ST18: variants seen among roughly 807,000 people sequenced by gnomAD.
The protein encoded by ST18 is suppression of tumorigenicity 18 protein.
ST18 carries 50 observed loss-of-function variants against 110.0 expected under a neutral mutation model. The observed-to-expected ratio is 0.45, with a 90% CI of 0.36 to 0.58. The LOEUF (loss-of-function observed/expected upper bound fraction) is 0.58. Ranked by LOEUF, ST18 falls within the 20% of genes least tolerant of loss-of-function variation. The pLI, the probability that ST18 is intolerant of heterozygous loss-of-function variation, is 0.00. For synonymous variants in ST18, 461 were observed against 452.4 expected, an observed-to-expected ratio of 1.02 and a Z score of -0.24; for missense variants, 1,306 against 1,280.1, an observed-to-expected ratio of 1.02 and a Z score of -0.31.
At chr8:52,218,946 G>A (rs1003895110) in intron 5 of ST18, among the ~76,000 whole-genome samples, 4 of 151,932 alleles carry the variant, frequency 2.6e-5, no homozygotes, top group Admixed American at 2.6e-4. Flanking sequence ...TATCTACAGT[G>A]GATGCTTCCT....
intron 19 of ST18, among the ~76,000 whole-genome samples, chr8:52,135,568 C>CA (rs71252929): frequency 0.037 from 2,073 of 55,526 alleles, 48 homozygotes; most frequent in African/African-American, 0.046. Context: ...AACTCCATCT[C>CA]AAAAAAAAAA....
chr8:52,113,569 T>C (rs957140879), intron 25 of ST18, among the ~76,000 whole-genome samples: 1 of 152,166 alleles, frequency 6.6e-6, no homozygotes, highest in African/African-American at 2.4e-5. Flanking sequence ...TGGGGTTGAT[T>C]TGGAGCACAT....
chr8:52,277,604 C>T (rs1328746174), intron 2 of ST18, among the ~76,000 whole-genome samples: 1 of 152,104 alleles, frequency 6.6e-6, no homozygotes, highest in Admixed American at 6.6e-5. Flanking sequence ...AATAAATATG[C>T]TCTTAAAAAC....
intron 2 of ST18, among the ~76,000 whole-genome samples, chr8:52,389,163 C>T (rs1838302820): frequency 6.6e-6 from 1 of 152,086 alleles, no homozygotes; most frequent in Non-Finnish European, 1.5e-5. Context: ...TCCCAGGCCT[C>T]AGCACAGAGC....
chr8:52,251,721 T>C (rs2094318587), intron 2 of ST18, among the ~76,000 whole-genome samples: 1 of 152,104 alleles, frequency 6.6e-6, no homozygotes, highest in Non-Finnish European at 1.5e-5. Context: ...TTTTTCCAAA[T>C]GAATTAATGA....
At chr8:52,390,540 T>A (rs1298937303) in intron 2 of ST18, among the ~76,000 whole-genome samples, 1 of 152,226 alleles carries the variant, frequency 6.6e-6, no homozygotes, top group Non-Finnish European at 1.5e-5. Flanking sequence ...TGTAGAAATA[T>A]GTCCGATTCC....
At chr8:52,220,517 C>T (rs567476494) in intron 5 of ST18, 9 of 152,084 alleles carry the variant, frequency 5.9e-5, no homozygotes, top group South Asian at 4.1e-4. Context: ...ATATGCAAAA[C>T]GGTTTGTAGG....
rs141358120 is a variant in ST18, at chr8:52,231,185, A to G, written c.-464-1108T>C. On this transcript the variant is annotated intron_variant, in intron 2 of 25. Transcript: ENST00000689386. ...CATATATATACAATTTATTACCCAG[A>G]TAATAGCTCTTTTATCTATATAATG... is the stretch of plus-strand genomic sequence containing the variant. 1.8e-3 allele frequency among the ~76,000 whole-genome samples: 272 copies of G among 152,354 alleles called. 1 individual carries two copies. Among genetic ancestry groups the G allele is most frequent in the African/African-American group, 6.3e-3 (260 of 41,578 alleles).
intron 8 of ST18, among the ~76,000 whole-genome samples, chr8:52,202,313 T>C (rs2078263103): frequency 6.6e-6 from 1 of 152,052 alleles, no homozygotes; most frequent in South Asian, 2.1e-4. Flanking sequence ...AAAATATTTC[T>C]CTAGTAACAT....
At chr8:52,327,007 G>A (rs1051483877) in intron 2 of ST18, among the ~76,000 whole-genome samples, 1 of 152,210 alleles carries the variant, frequency 6.6e-6, no homozygotes, top group African/African-American at 2.4e-5. Flanking sequence ...TGCCACCGGA[G>A]AGGGAGCCCC....
chr8:52,144,761 C>A (rs1320751310), intron 16 of ST18, among the ~76,000 whole-genome samples: 1 of 152,052 alleles, frequency 6.6e-6, no homozygotes, highest in African/African-American at 2.4e-5. Context: ...CACTAGGATG[C>A]AAAGAGAAGT....
chr8:52,250,691 T>A (rs2094245557), intron 2 of ST18, among the ~76,000 whole-genome samples: 1 of 151,478 alleles, frequency 6.6e-6, no homozygotes, highest in Admixed American at 6.6e-5. Context: ...AAATGTACAC[T>A]GGCTACTGAA....
chr8:52,180,095 TA>T lies in ST18; in HGVS notation c.277+26del, dbSNP rs2068747388. 1.9e-6 allele frequency: 3 copies of T among 1,610,028 alleles called. No individual in the cohort carries two copies. The African/African-American group carries it at 4.0e-5, about 22-fold the overall frequency. On this transcript the variant is annotated intron_variant, in intron 9 of 25. Coordinates refer to ENST00000689386, the MANE Select transcript of ST18 (RefSeq NM_001352837.2). ...AGAGTCCTTGGAGCCAGGGAGCAGG[TA>T]AAGTTTGGGCTCTCCTCCTTGCTAC...
chr8:52,349,272 G>C (rs1001805349), intron 2 of ST18, among the ~76,000 whole-genome samples: 3 of 152,142 alleles, frequency 2.0e-5, no homozygotes, highest in African/African-American at 7.2e-5. Flanking sequence ...GCTTTGTGGG[G>C]TAAAGCTGCC....
chr8:52,163,332 C>A (rs1434717754), intron 13 of ST18, among the ~76,000 whole-genome samples: 1 of 152,118 alleles, frequency 6.6e-6, no homozygotes, highest in Non-Finnish European at 1.5e-5. Context: ...ATCTGATCAT[C>A]TAGCTTAATC....
chr8:52,175,641 CTGTT>C (rs2066629200), intron 9 of ST18, among the ~76,000 whole-genome samples: 1 of 149,400 alleles, frequency 6.7e-6, no homozygotes, highest in African/African-American at 2.6e-5. Context: ...GGACAACAAA[CTGTT>C]TGTTCCTGGC....
chr8:52,170,743 T>A (rs1038556334), intron 10 of ST18, among the ~76,000 whole-genome samples: 1 of 152,190 alleles, frequency 6.6e-6, no homozygotes, highest in Non-Finnish European at 1.5e-5. Context: ...CATGGCATTA[T>A]CTTGCTCCTC....
At chr8:52,300,117 T>A (rs1025032480) in intron 2 of ST18, among the ~76,000 whole-genome samples, 2 of 152,220 alleles carry the variant, frequency 1.3e-5, no homozygotes, top group Non-Finnish European at 2.9e-5. Flanking sequence ...CAGTGGTATA[T>A]TTCAAAACAC....
At chr8:52,333,405 C>T (rs549959057) in intron 2 of ST18, among the ~76,000 whole-genome samples, 16 of 151,960 alleles carry the variant, frequency 1.1e-4, no homozygotes, top group African/African-American at 3.9e-4. Context: ...TATATTTAGC[C>T]AATGAGTCAG....
Sources: gnomAD v4.1 joint callset for allele counts (sites outside exome capture counted in the v4.1 genomes callset) on GRCh38, gnomAD v4.1.1 for gene constraint, MANE v1.5 for transcripts, NCBI Gene and HGNC (gene_info 2026-07-23, HGNC 2026-07-21) for gene names.